Variants in TPRG1 observed in about 807,000 individuals in gnomAD.
TPRG1 encodes the protein tumor protein p63-regulated gene 1 protein.
In TPRG1, 29 loss-of-function variants were observed where a neutral mutation model predicts 29.3. That is an observed-to-expected ratio of 0.99 (90% CI 0.74 to 1.35). The LOEUF is 1.35. Among genes scored for constraint, TPRG1 ranks in the 40% most tolerant of loss-of-function variants. The pLI is 0.00. For synonymous variants in TPRG1, 130 were observed against 116.8 expected, an observed-to-expected ratio of 1.11 and a Z score of -0.73; for missense variants, 327 against 335.0, an observed-to-expected ratio of 0.98 and a Z score of 0.19.
At chr3:189,241,879 C>G (rs1403491192) in intron 4 of TPRG1, among the ~76,000 whole-genome samples, 3 of 152,158 alleles carry the variant, frequency 2.0e-5, no homozygotes, top group African/African-American at 7.2e-5. Flanking sequence ...CCATGTGAAA[C>G]TGTAAGTCCA....
At chr3:189,145,676 TTAA>T (rs1188784909) in intron 3 of TPRG1, among the ~76,000 whole-genome samples, 6 of 151,394 alleles carry the variant, frequency 4.0e-5, no homozygotes, top group African/African-American at 7.4e-5. Context: ...AGCAATAACA[TTAA>T]TAATAACAGC....
intron 3 of TPRG1, among the ~76,000 whole-genome samples, chr3:189,226,860 CAG>C (rs894805361): frequency 3.8e-4 from 55 of 145,304 alleles, no homozygotes; most frequent in South Asian, 2.0e-3. Context: ...AGGAATGAAA[CAG>C]GGGATATCAC....
intron 5 of TPRG1, among the ~76,000 whole-genome samples, chr3:189,318,962 T>G (rs573499750): frequency 2.0e-5 from 3 of 152,236 alleles, no homozygotes; most frequent in East Asian, 3.9e-4. Context: ...ACTTCAGGAG[T>G]TAAGTCAGGA....
At chr3:189,295,575 T>G (rs1719772296) in intron 4 of TPRG1, among the ~76,000 whole-genome samples, 1 of 150,820 alleles carries the variant, frequency 6.6e-6, no homozygotes, top group Non-Finnish European at 1.5e-5. Flanking sequence ...GCTTTAATAT[T>G]CAGAGACTCA....
chr3:189,302,150 C>T (rs148845583), intron 4 of TPRG1, among the ~76,000 whole-genome samples: 1 of 152,280 alleles, frequency 6.6e-6, no homozygotes, highest in East Asian at 1.9e-4. Flanking sequence ...ATCCATCAAA[C>T]CCCAGCTAAA....
rs181413042 is a variant in TPRG1, at chr3:189,251,314, G to A, written c.479+12405G>A. On this transcript the variant is annotated intron_variant, in intron 4 of 5. Transcript: ENST00000345063. ...GCTTAATATGAAGGAAAGGGGTGACGGCAAGAGACAAGTAAAGGCTGTGGA... is the reference window on the plus strand; with the variant it reads ...GCTTAATATGAAGGAAAGGGGTGACAGCAAGAGACAAGTAAAGGCTGTGGA... Among the ~76,000 whole-genome samples the A allele has an allele frequency of 9.3e-3, 1,419 of 152,236 alleles. 10 individuals carry two copies. The highest frequency in any genetic ancestry group is 0.02 in the Middle Eastern group (6 of 294).
At chr3:189,315,561 A>T (rs1723376533) in intron 5 of TPRG1, 1 of 452,164 alleles carries the variant, frequency 2.2e-6, no homozygotes, top group African/African-American at 2.0e-5. Flanking sequence ...TGAACGCATT[A>T]TGTGTGCCCT....
intron 1 of TPRG1, among the ~76,000 whole-genome samples, chr3:189,180,051 G>A (rs570111000): frequency 6.6e-5 from 10 of 152,284 alleles, no homozygotes; most frequent in East Asian, 1.9e-4. Flanking sequence ...GGCAGCATAC[G>A]AAGAGATAGA....
chr3:189,251,460 T>C (rs1267118625), intron 4 of TPRG1, among the ~76,000 whole-genome samples: 3 of 151,924 alleles, frequency 2.0e-5, no homozygotes, highest in Admixed American at 6.6e-5. Flanking sequence ...AAAGACAAAG[T>C]ATAGAGAAAG....
intron 4 of TPRG1, among the ~76,000 whole-genome samples, chr3:189,285,598 T>A (rs947656220): frequency 2.6e-5 from 4 of 152,248 alleles, no homozygotes; most frequent in Admixed American, 6.5e-5. Flanking sequence ...TTTCCTAACA[T>A]TTTTGATCAC....
chr3:189,280,785 G>A (rs1716998095), intron 4 of TPRG1, among the ~76,000 whole-genome samples: 1 of 152,158 alleles, frequency 6.6e-6, no homozygotes, highest in Non-Finnish European at 1.5e-5. Flanking sequence ...ATATATGAAT[G>A]ATACTATCTG....
chr3:189,147,486 G>C (rs1457379997), intron 3 of TPRG1: 1 of 152,232 alleles, frequency 6.6e-6, no homozygotes. Flanking sequence ...GTCGGAGGCA[G>C]AAAAGAAGTG....
At chr3:189,003,049 G>A (rs997915892) in intron 2 of TPRG1, among the ~76,000 whole-genome samples, 3 of 152,050 alleles carry the variant, frequency 2.0e-5, no homozygotes, top group African/African-American at 7.2e-5. Flanking sequence ...TGAAATATGA[G>A]CTCGGCTTAA....
intron 4 of TPRG1, among the ~76,000 whole-genome samples, chr3:189,083,330 T>TG (rs1717727389): frequency 2.0e-5 from 3 of 152,120 alleles, no homozygotes; most frequent in South Asian, 4.2e-4. Context: ...AGGCTTCTCC[T>TG]GGGGGGTTTG....
chr3:189,032,711 A>T (rs982458682), intron 4 of TPRG1, among the ~76,000 whole-genome samples: 9 of 150,426 alleles, frequency 6.0e-5, no homozygotes, highest in Admixed American at 1.3e-4. Flanking sequence ...CTCGTCATTT[A>T]GCATTAGGTG....
intron 5 of TPRG1, among the ~76,000 whole-genome samples, chr3:189,164,541 A>G (rs1727902318): frequency 6.6e-6 from 1 of 151,720 alleles, no homozygotes; most frequent in South Asian, 2.1e-4. Context: ...TTCTTTGTTC[A>G]TTATCTACTT....
At chr3:189,129,156 G>T (rs950346653) in intron 2 of TPRG1, among the ~76,000 whole-genome samples, 2 of 152,024 alleles carry the variant, frequency 1.3e-5, no homozygotes, top group Non-Finnish European at 1.5e-5. Flanking sequence ...CTTATTCCTA[G>T]GCTCCAATTC....
At chr3:189,175,603 C>T (rs1172706314) in intron 1 of TPRG1, among the ~76,000 whole-genome samples, 1 of 152,074 alleles carries the variant, frequency 6.6e-6, no homozygotes, top group Non-Finnish European at 1.5e-5. Context: ...CACACCTTAG[C>T]TCTACATTAG....
At chr3:189,081,033 A>G (rs1274098016) in intron 4 of TPRG1, among the ~76,000 whole-genome samples, 1 of 152,168 alleles carries the variant, frequency 6.6e-6, no homozygotes, top group Non-Finnish European at 1.5e-5. Flanking sequence ...TTCTCTTTAT[A>G]GAAGATGAAG....
Sources: allele counts gnomAD v4.1 joint callset (sites outside exome capture counted in the v4.1 genomes callset), GRCh38; gene constraint gnomAD v4.1.1; transcripts MANE v1.5; gene names NCBI Gene and HGNC (gene_info 2026-07-23, HGNC 2026-07-21).